OCLN: variants seen among roughly 807,000 people sequenced by gnomAD.
OCLN encodes occludin, also known as phosphatase 1, regulatory subunit 115.
OCLN carries 21 observed loss-of-function variants against 47.9 expected under a neutral mutation model. The observed-to-expected ratio is 0.44, with a 90% CI of 0.31 to 0.63. The LOEUF (loss-of-function observed/expected upper bound fraction) is 0.63. Among genes scored for constraint, OCLN ranks in the 30% least tolerant of loss-of-function variants. OCLN has a pLI of 0.08. For synonymous variants in OCLN, 117 were observed against 198.4 expected (o/e 0.59, Z 3.45); for missense variants, 360 against 571.0 (o/e 0.63, Z 3.77).
chr5:69,496,561 CTTTTTT>C (rs77543950), intron 1 of OCLN, among the ~76,000 whole-genome samples: 2 of 122,780 alleles, frequency 1.6e-5, no homozygotes, highest in Non-Finnish European at 3.4e-5. Flanking sequence ...TTTTTTTATA[CTTTTTT>C]TTTTTTTTTT....
intron 4 of OCLN, among the ~76,000 whole-genome samples, chr5:69,532,457 T>A (rs1769458692): frequency 6.6e-6 from 1 of 152,278 alleles, no homozygotes; most frequent in Non-Finnish European, 1.5e-5. Flanking sequence ...AGCAGCTCTT[T>A]TTCACAGAAA....
chr5:69,526,573 T>G (rs1014588774), intron 4 of OCLN, among the ~76,000 whole-genome samples: 1 of 152,188 alleles, frequency 6.6e-6, no homozygotes, highest in African/African-American at 2.4e-5. Flanking sequence ...TAATAACTTA[T>G]TGACTCTCAG....
At chr5:69,519,457 CT>C (rs915818057) in intron 4 of OCLN, among the ~76,000 whole-genome samples, 39 of 152,208 alleles carry the variant, frequency 2.6e-4, no homozygotes, top group African/African-American at 8.4e-4. Context: ...CTTCTTAGGG[CT>C]TTTTTTCCCC....
Position 69,548,061 on chromosome 5 carries a change from A to C in OCLN, c.1385A>C (p.Lys462Thr). 1 of 578,018 alleles carries C rather than the reference A, an allele frequency of 1.7e-6. No individual in the cohort carries two copies. Among genetic ancestry groups the C allele is most frequent in the South Asian group, 2.1e-5 (1 of 48,570 alleles). 35.8% of individuals were successfully genotyped at this position (578,018 alleles called of 1,614,324 possible). A position where few individuals can be genotyped will look rare whatever the true frequency, so the allele number is the denominator to read the frequency against. Residue 462 changes from lysine to threonine, a missense_variant, in exon 7 of 9, where the codon AAA becomes ACA. Around this residue, in one of 3 missense-constraint regions of OCLN, gnomAD observed 25 missense variants for 43.9 expected, o/e 0.57. Coordinates refer to ENST00000396442, the MANE Select transcript of OCLN (RefSeq NM_001205254.2). ...EINKELSRLDKELDDYREESE... is the reference protein window; with the variant it reads ...EINKELSRLDTELDDYREESE... ...AATAAAGAACTCTCCCGTTTGGATA[A>C]AGAATTGGATGACTATAGAGAAGAA...
rs1382120974 is a variant in OCLN at position 69,509,744 on chromosome 5, A to C, written c.654A>C (p.Gln218His). The change falls in exon 3 of 9, where the codon CAA becomes CAC. Residue 218 changes from glutamine to histidine, a missense_variant. Around this residue, in one of 3 missense-constraint regions of OCLN, gnomAD observed 314 missense variants for 368.1 expected, o/e 0.85. Transcript: ENST00000396442. ...YGSQIYALCNQFYTPAATGLY... is the reference protein window; with the variant it reads ...YGSQIYALCNHFYTPAATGLY... The stretch of plus-strand genomic sequence containing the variant: ...CACAAATATATGCCCTCTGCAACCA[A>C]TTTTATACACCTGCAGCTACTGGAC... The C allele has an allele frequency of 6.2e-7, 1 of 1,613,950 alleles. No individual in the cohort carries two copies. Among genetic ancestry groups the C allele is most frequent in the Non-Finnish European group, 8.5e-7 (1 of 1,180,002 alleles).
chr5:69,495,708 G>A (rs534069792), intron 1 of OCLN, among the ~76,000 whole-genome samples: 52 of 152,066 alleles, frequency 3.4e-4, no homozygotes, highest in Non-Finnish European at 6.3e-4. Context: ...TCCAGATGCG[G>A]TGGAGATGAT....
chr5:69,516,630 G>C (rs1437984081), intron 4 of OCLN, among the ~76,000 whole-genome samples: 3 of 152,182 alleles, frequency 2.0e-5, no homozygotes, highest in Non-Finnish European at 4.4e-5. Flanking sequence ...GGCAAAGACA[G>C]ATTAGAAAAA....
chr5:69,513,382 C>T (rs1239974530), intron 3 of OCLN, among the ~76,000 whole-genome samples: 1 of 152,162 alleles, frequency 6.6e-6, no homozygotes, highest in Non-Finnish European at 1.5e-5. Flanking sequence ...AGTCAATTTG[C>T]TATTTATAGC....
At chr5:69,549,760 C>T (rs1470354877) in intron 7 of OCLN, among the ~76,000 whole-genome samples, 3 of 151,780 alleles carry the variant, frequency 2.0e-5, no homozygotes, top group East Asian at 3.9e-4. Context: ...CAATCACTTA[C>T]GTAAGTATGG....
In OCLN at chr5:69,555,222, C is replaced by T. The variant is rs1295826856; in HGVS notation, c.*1551C>T. 5.6e-5 allele frequency: 8 copies of T among 142,934 alleles called. No homozygotes were observed. The highest frequency in any genetic ancestry group is 2.0e-4 in the African/African-American group (8 of 40,122). 8.9% of individuals were successfully genotyped at this position (142,934 alleles called of 1,614,324 possible). The stretch of plus-strand genomic sequence containing the variant: ...GTGCTGGGATTACAGGCGTGAGCCA[C>T]CATGCCTGGCCTAAGTGTGTGTGTG... On this transcript the variant is annotated 3_prime_UTR_variant, in exon 9 of 9. Transcript: ENST00000396442.
intron 1 of OCLN, among the ~76,000 whole-genome samples, chr5:69,497,757 G>A (rs1296813676): frequency 6.6e-6 from 1 of 152,134 alleles, no homozygotes; most frequent in Non-Finnish European, 1.5e-5. Flanking sequence ...TACAAATCAG[G>A]TTTTGTTTGT....
At chr5:69,510,228 T>C (rs1412194216) in intron 3 of OCLN, among the ~76,000 whole-genome samples, 1 of 152,228 alleles carries the variant, frequency 6.6e-6, no homozygotes, top group Non-Finnish European at 1.5e-5. Context: ...AATGTGGTCT[T>C]TGTGATGGGC....
chr5:69,513,853 CT>C, intron 3 of OCLN, 94 bp from the exon 4 acceptor site: 1 of 1,046,164 alleles, frequency 9.6e-7, no homozygotes, highest in Admixed American at 1.8e-5. Flanking sequence ...TTAGTAGGGC[CT>C]TAGGGTAGAT....
intron 4 of OCLN, among the ~76,000 whole-genome samples, chr5:69,519,828 C>T (rs1216816252): frequency 6.6e-6 from 1 of 151,984 alleles, no homozygotes; most frequent in Non-Finnish European, 1.5e-5. Flanking sequence ...AAAAATTGGC[C>T]CTCTGGATAC....
intron 7 of OCLN, among the ~76,000 whole-genome samples, chr5:69,549,927 C>A (rs555125457): frequency 5.4e-4 from 81 of 149,792 alleles, no homozygotes; most frequent in African/African-American, 1.8e-3. Context: ...AAAAAAAAAA[C>A]AAACAAAAAA....
intron 4 of OCLN, among the ~76,000 whole-genome samples, chr5:69,514,481 A>C (rs1252927320): frequency 6.6e-6 from 1 of 152,150 alleles, no homozygotes; most frequent in Non-Finnish European, 1.5e-5. Context: ...CTCGTGGGTC[A>C]AGATTGGCAA....
Position 69,511,453 on chromosome 5 carries a change from C to T in OCLN, c.729+1634C>T, listed in dbSNP as rs967654974. Among the ~76,000 whole-genome samples, 3 of 152,080 alleles carry T rather than the reference C, an allele frequency of 2.0e-5. No homozygotes were observed. The East Asian group carries it at 5.8e-4, about 29-fold the overall frequency. On this transcript the variant is annotated intron_variant, in intron 3 of 8. Coordinates refer to ENST00000396442, the MANE Select transcript of OCLN (RefSeq NM_001205254.2). ...TTTTGAGACAGAGTCTCACTGTCACCCAGGCTGGGGTGCAGTGGTGCAGTC... is the reference window on the plus strand; with the variant it reads ...TTTTGAGACAGAGTCTCACTGTCACTCAGGCTGGGGTGCAGTGGTGCAGTC...
intron 4 of OCLN, among the ~76,000 whole-genome samples, chr5:69,524,538 A>T (rs111498995): frequency 0.015 from 2,294 of 152,298 alleles, 28 homozygotes; most frequent in Non-Finnish European, 0.021. Context: ...TAGGTTATAG[A>T]TTAATACATG....
chr5:69,511,516 A>G (rs1174926033), intron 3 of OCLN, among the ~76,000 whole-genome samples: 2 of 151,730 alleles, frequency 1.3e-5, no homozygotes, highest in Non-Finnish European at 2.9e-5. Flanking sequence ...GGCTCAAGTG[A>G]CCCTCCTACC....
Sources: allele counts gnomAD v4.1 joint callset (sites outside exome capture counted in the v4.1 genomes callset), GRCh38; gene constraint gnomAD v4.1.1; regional missense constraint gnomAD v4.1.1; transcripts MANE v1.5; gene names NCBI Gene and HGNC (gene_info 2026-07-23, HGNC 2026-07-21).